The following NLRP9 variants were observed in gnomAD, a reference collection of about 807,000 sequenced individuals.
NLRP9 encodes the protein NLR family pyrin domain containing 9.
A neutral mutation model predicts 83.1 loss-of-function variants in NLRP9; 88 were observed. The observed-to-expected ratio is 1.06, with a 90% CI of 0.89 to 1.26. The LOEUF (loss-of-function observed/expected upper bound fraction) is 1.26, where lower values mean the gene tolerates loss of function less well. Among genes scored for constraint, NLRP9 ranks in the 50% most tolerant of loss-of-function variants. The pLI, the probability that NLRP9 is intolerant of heterozygous loss-of-function variation, is 0.00. For missense variants in NLRP9, 1,308 were observed against 1,179.3 expected (o/e 1.11, Z -1.60); for synonymous variants, 521 against 447.6 (o/e 1.16, Z -2.07).
intron 4 of NLRP9, among the ~76,000 whole-genome samples, chr19:55,721,207 C>T (rs1248609042): frequency 6.6e-6 from 1 of 152,140 alleles, no homozygotes; most frequent in East Asian, 1.9e-4. Context: ...TAAGATGTTA[C>T]CTTTGGTGGA....
intron 3 of NLRP9, among the ~76,000 whole-genome samples, chr19:55,727,080 C>G (rs1988425698): frequency 6.6e-6 from 1 of 152,008 alleles, no homozygotes; most frequent in East Asian, 1.9e-4. Flanking sequence ...TAGTGAAACC[C>G]CATCTCTACT....
intron 4 of NLRP9, among the ~76,000 whole-genome samples, chr19:55,722,476 T>C (rs952169487): frequency 1.9e-4 from 29 of 152,322 alleles, no homozygotes; most frequent in African/African-American, 6.7e-4. Context: ...TTTCTCCTGA[T>C]GGGTCTAGAC....
At chr19:55,711,036 A>G (rs1987690891) in intron 8 of NLRP9, among the ~76,000 whole-genome samples, 1 of 151,620 alleles carries the variant, frequency 6.6e-6, no homozygotes, top group Non-Finnish European at 1.5e-5. Context: ...AAGTGAGCTG[A>G]GACTGTGCCA....
chr19:55,714,864 C>T (rs895304606), intron 6 of NLRP9, among the ~76,000 whole-genome samples, 191 bp downstream of exon 6: 1 of 152,082 alleles, frequency 6.6e-6, no homozygotes, highest in Non-Finnish European at 1.5e-5. Context: ...AGACTCCACC[C>T]TCATAACCTC....
chr19:55,711,039 CTG>C (rs1051347864), intron 8 of NLRP9, among the ~76,000 whole-genome samples: 1 of 150,698 alleles, frequency 6.6e-6, no homozygotes, highest in African/African-American at 2.5e-5. Flanking sequence ...TGAGCTGAGA[CTG>C]TGCCACTGCA....
chr19:55,732,571 T>C lies in NLRP9; in HGVS notation c.1260A>G (p.Leu420=), dbSNP rs543041441. 9 of 1,614,248 alleles carry C rather than the reference T, an allele frequency of 5.6e-6. No individual in the cohort carries two copies. The highest frequency in any genetic ancestry group is 4.0e-5 in the African/African-American group (3 of 75,076). Reference sequence around the variant, plus strand: ...CCCACATCACGCCCTCAGACTCAGATAACCCATTCCTCCGGAGATCCCCAT... The same window carrying C: ...CCCACATCACGCCCTCAGACTCAGACAACCCATTCCTCCGGAGATCCCCAT... The part of the protein sequence containing the change: ...FSHGDLRRNG[L]SESEGVMWVG... Residue 420 remains leucine (L), a synonymous_variant, in exon 2 of 9, where the codon TTA becomes TTG. Transcript: ENST00000332836.
Position 55,711,581 on chromosome 19 carries a change from A to G in NLRP9, c.2843+219T>C, listed in dbSNP as rs576073115. The stretch of plus-strand genomic sequence containing the variant: ...CTTTTTGATTGTCACAACTGAGGGA[A>G]GTGCTACTGGCAACTCATGAGAAAG... On this transcript the variant is annotated intron_variant, in intron 8 of 8. Coordinates refer to ENST00000332836, the MANE Select transcript of NLRP9 (RefSeq NM_176820.4). The G allele has an allele frequency of 2.2e-4, 210 of 934,586 alleles. 2 individuals carry two copies. In the South Asian group the frequency reaches 2.9e-3, roughly 13 times the overall value. The allele number at this position is 934,586 out of a possible 1,614,324, so 57.9% of individuals were successfully genotyped here.
chr19:55,713,343 A>G (rs943967658), intron 6 of NLRP9, among the ~76,000 whole-genome samples: 2 of 151,698 alleles, frequency 1.3e-5, no homozygotes, highest in South Asian at 2.1e-4. Context: ...GGACAGATGA[A>G]TAGTTAATAG....
chr19:55,716,189 T>C (rs1988002029), intron 5 of NLRP9, among the ~76,000 whole-genome samples: 1 of 152,126 alleles, frequency 6.6e-6, no homozygotes, highest in African/African-American at 2.4e-5. Flanking sequence ...CATTTTACAG[T>C]GTATGCATAT....
At position 55,725,116 on chromosome 19, in the gene NLRP9, CTTTTA is replaced by C. The variant is rs1425029481; in HGVS notation, c.1995-977_1995-973del. Reference sequence around the variant, plus strand: ...CTGGAACATGGTCAATTCATGCTGGCTTTTATTTTAATATCTACATGTATATGCCA... The same window carrying C: ...CTGGAACATGGTCAATTCATGCTGGCTTTTAATATCTACATGTATATGCCA... On this transcript the variant is annotated intron_variant, in intron 3 of 8. Coordinates refer to ENST00000332836, the MANE Select transcript of NLRP9 (RefSeq NM_176820.4). Among the ~76,000 whole-genome samples the C allele has an allele frequency of 3.3e-5, 5 of 152,070 alleles. 1 individual carries two copies. Among genetic ancestry groups the C allele is most frequent in the East Asian group, 1.9e-4 (1 of 5,200 alleles).
At position 55,738,375 on chromosome 19, in the gene NLRP9, A is replaced by G; in HGVS notation, c.-1T>C. ...AATCCGAAAAAAAAGATTCTGCCAT[A>G]TCGCCCCAGGATTGTGAACTGAGGT... On this transcript the variant is annotated 5_prime_UTR_variant, in exon 1 of 9. Coordinates refer to ENST00000332836, the MANE Select transcript of NLRP9 (RefSeq NM_176820.4). 6.2e-7 allele frequency: 1 copy of G among 1,612,426 alleles called. No individual in the cohort carries two copies. Among genetic ancestry groups the G allele is most frequent in the Non-Finnish European group, 8.5e-7 (1 of 1,179,706 alleles).
At chr19:55,724,242 T>C in intron 3 of NLRP9, 98 bp from the exon 4 acceptor site, 2 of 753,924 alleles carry the variant, frequency 2.7e-6, no homozygotes, top group Non-Finnish European at 4.2e-6. Flanking sequence ...ATGCTGGGCC[T>C]CACCACACTG....
In NLRP9 at chr19:55,721,077, G is replaced by A. The variant is rs370992981; in HGVS notation, c.2159+2903C>T. The stretch of plus-strand genomic sequence containing the variant: ...GGCAAATAATCTGGTGAAGCCTCTG[G>A]TTAAAAGATACTGATTAAGTCTAGT... On this transcript the variant is annotated intron_variant, in intron 4 of 8. Transcript: ENST00000332836. 1.1e-4 allele frequency among the ~76,000 whole-genome samples: 16 copies of A among 152,296 alleles called. No homozygotes were observed. The East Asian group carries it at 1.2e-3, about 11-fold the overall frequency.
intron 4 of NLRP9, among the ~76,000 whole-genome samples, chr19:55,718,749 C>CT (rs1303822767): frequency 2.0e-5 from 3 of 152,198 alleles, no homozygotes; most frequent in Non-Finnish European, 4.4e-5. Context: ...AGTGCGGGTC[C>CT]TCGCACGTTA....
At chr19:55,720,198 T>A (rs1442028278) in intron 4 of NLRP9, among the ~76,000 whole-genome samples, 1 of 152,236 alleles carries the variant, frequency 6.6e-6, no homozygotes, top group Non-Finnish European at 1.5e-5. Context: ...GAATTTTTTT[T>A]AAACCTGACT....
At chr19:55,729,357 G>A (rs1988501761) in intron 3 of NLRP9, among the ~76,000 whole-genome samples, 1 of 151,326 alleles carries the variant, frequency 6.6e-6, no homozygotes, top group African/African-American at 2.4e-5. Flanking sequence ...TTTACATTAG[G>A]TATATCTCCT....
intron 4 of NLRP9, among the ~76,000 whole-genome samples, chr19:55,722,346 G>C (rs543195268): frequency 3.2e-4 from 49 of 152,190 alleles, no homozygotes; most frequent in African/African-American, 8.9e-4. Context: ...CCCCTGAGAA[G>C]AGAAAGTTAG....
At position 55,716,711 on chromosome 19, in the gene NLRP9, C is replaced by A; in HGVS notation, c.2330+17G>T. The A allele has an allele frequency of 6.2e-7, 1 of 1,608,694 alleles. No homozygotes were observed. Among genetic ancestry groups the A allele is most frequent in the Non-Finnish European group, 8.5e-7 (1 of 1,175,568 alleles). ...GCTTCAGAAATCTCCGAACGTGCTT[C>A]CCGCAGACCAACTTACATCAGCCTC... On this transcript the variant is annotated intron_variant, in intron 5 of 8. Coordinates refer to ENST00000332836, the MANE Select transcript of NLRP9 (RefSeq NM_176820.4).
chr19:55,718,325 C>A (rs1268740259), intron 4 of NLRP9, among the ~76,000 whole-genome samples: 1 of 152,138 alleles, frequency 6.6e-6, no homozygotes, highest in Non-Finnish European at 1.5e-5. Flanking sequence ...AGGGTCTGTG[C>A]TGAGGAGGAG....
Sources: gnomAD v4.1 joint callset for allele counts (sites outside exome capture counted in the v4.1 genomes callset) on GRCh38, gnomAD v4.1.1 for gene constraint, MANE v1.5 for transcripts, NCBI Gene and HGNC (gene_info 2026-07-23, HGNC 2026-07-21) for gene names.